The following CA8 variants were observed in gnomAD, a reference collection of about 807,000 sequenced individuals.
CA8 encodes the protein carbonic anhydrase 8 (inactive).
CA8 carries 22 observed loss-of-function variants against 41.4 expected under a neutral mutation model. The observed-to-expected ratio is 0.53, with a 90% CI of 0.38 to 0.76. The LOEUF (loss-of-function observed/expected upper bound fraction) is 0.76, where lower values mean the gene tolerates loss of function less well. Ranked by LOEUF, CA8 falls within the 30% of genes least tolerant of loss-of-function variation. The pLI, the probability that CA8 is intolerant of heterozygous loss-of-function variation, is 0.00. For synonymous variants in CA8, 121 were observed against 130.6 expected (o/e 0.93, Z 0.50); for missense variants, 270 against 352.8 (o/e 0.77, Z 1.88).
Position 60,226,857 on chromosome 8 carries a change from T to G in CA8, c.576+16A>C. 1 of 1,504,684 alleles carries G rather than the reference T, an allele frequency of 6.6e-7. No individual in the cohort carries two copies. 93.2% of individuals were successfully genotyped at this position (1,504,684 alleles called of 1,614,324 possible). Reference sequence around the variant, plus strand: ...ACACAACCAGTATTTCTATATTATTTTAAATAATGACTTACCTTATACTGA... The same window carrying G: ...ACACAACCAGTATTTCTATATTATTGTAAATAATGACTTACCTTATACTGA... On this transcript the variant is annotated intron_variant, in intron 5 of 8. Transcript: ENST00000317995.
intron 8 of CA8, among the ~76,000 whole-genome samples, chr8:60,205,152 G>A (rs1271394463): frequency 6.6e-6 from 1 of 152,114 alleles, no homozygotes; most frequent in East Asian, 1.9e-4. Flanking sequence ...CATTTTTCTG[G>A]CTTTGTTTCT....
chr8:60,208,616 T>C (rs1806723085), intron 8 of CA8, 134 bp downstream of exon 8: 2 of 751,746 alleles, frequency 2.7e-6, no homozygotes, highest in Non-Finnish European at 4.6e-6. Flanking sequence ...AGCTCAAGAA[T>C]GTGTCATAAA....
chr8:60,202,467 G>A (rs1158410897), intron 8 of CA8, among the ~76,000 whole-genome samples: 1 of 152,112 alleles, frequency 6.6e-6, no homozygotes, highest in Non-Finnish European at 1.5e-5. Flanking sequence ...GCACTCTATG[G>A]CACACTGCAA....
chr8:60,271,261 G>A (rs1804062408), intron 2 of CA8, among the ~76,000 whole-genome samples: 1 of 152,006 alleles, frequency 6.6e-6, no homozygotes, highest in Non-Finnish European at 1.5e-5. Flanking sequence ...CAGATTGCTT[G>A]AGCCCAGGAC....
intron 4 of CA8, among the ~76,000 whole-genome samples, chr8:60,227,361 G>A (rs891569406): frequency 6.6e-6 from 1 of 151,940 alleles, no homozygotes; most frequent in African/African-American, 2.4e-5. Context: ...TAATTAAATG[G>A]CCTTTTATTA....
At chr8:60,210,154 G>T (rs909390220) in intron 7 of CA8, among the ~76,000 whole-genome samples, 3 of 152,122 alleles carry the variant, frequency 2.0e-5, no homozygotes, top group African/African-American at 7.2e-5. Flanking sequence ...AAGTCTACCT[G>T]CTCTTTTCTC....
chr8:60,220,424 G>C (rs2130460263), intron 7 of CA8, among the ~76,000 whole-genome samples: 1 of 152,312 alleles, frequency 6.6e-6, no homozygotes, highest in Non-Finnish European at 1.5e-5. Flanking sequence ...ATTTAAGCCA[G>C]ATGGAAGCCA....
chr8:60,245,701 G>A (rs1228880837), intron 3 of CA8, among the ~76,000 whole-genome samples: 2 of 152,162 alleles, frequency 1.3e-5, no homozygotes, highest in African/African-American at 2.4e-5. Context: ...TTGTAACAAG[G>A]TAAAGTATCA....
At chr8:60,237,318 T>A (rs948673960) in intron 3 of CA8, among the ~76,000 whole-genome samples, 5 of 152,214 alleles carry the variant, frequency 3.3e-5, no homozygotes, top group Admixed American at 1.3e-4. Flanking sequence ...TATATTCTTA[T>A]CACGTTTTAC....
intron 3 of CA8, among the ~76,000 whole-genome samples, chr8:60,238,034 A>G (rs138986934): frequency 3.2e-3 from 483 of 152,312 alleles, no homozygotes; most frequent in African/African-American, 0.011. Flanking sequence ...AGCTTTTGCT[A>G]CAGGACTCAC....
At chr8:60,264,106 C>T (rs1193350721) in intron 3 of CA8, among the ~76,000 whole-genome samples, 2 of 152,318 alleles carry the variant, frequency 1.3e-5, no homozygotes, top group Non-Finnish European at 2.9e-5. Flanking sequence ...GCTTAATGGA[C>T]CGGAGCTGCT....
At chr8:60,217,700 A>G (rs904041085) in intron 7 of CA8, among the ~76,000 whole-genome samples, 1 of 152,182 alleles carries the variant, frequency 6.6e-6, no homozygotes, top group Non-Finnish European at 1.5e-5. Context: ...ATTCCCTATC[A>G]TGGTAGAAAG....
At chr8:60,243,850 C>T (rs545175415) in intron 3 of CA8, among the ~76,000 whole-genome samples, 2 of 152,108 alleles carry the variant, frequency 1.3e-5, no homozygotes, top group South Asian at 2.1e-4. Context: ...CACAGGGTTC[C>T]GCCCTAACAC....
intron 7 of CA8, among the ~76,000 whole-genome samples, chr8:60,215,646 G>C (rs577206748): frequency 7.2e-5 from 11 of 152,084 alleles, no homozygotes; most frequent in Non-Finnish European, 1.3e-4. Context: ...CCGTTCAATT[G>C]TGTTTTTTCT....
At position 60,187,022 on chromosome 8, in the gene CA8, C is replaced by T. The variant is rs1805984407; in HGVS notation, c.*2999G>A. The stretch of plus-strand genomic sequence containing the variant: ...ATCTATAGAACACAGCATCCAACAA[C>T]AGTACAATACATACTCTTAAGTACA... On this transcript the variant is annotated 3_prime_UTR_variant, in exon 9 of 9. Coordinates refer to ENST00000317995, the MANE Select transcript of CA8 (RefSeq NM_004056.6). 6.6e-6 allele frequency among the ~76,000 whole-genome samples: 1 copy of T among 152,006 alleles called. No individual in the cohort carries two copies. Among genetic ancestry groups the T allele is most frequent in the African/African-American group, 2.4e-5 (1 of 41,430 alleles).
intron 5 of CA8, among the ~76,000 whole-genome samples, chr8:60,225,210 C>G (rs919697906): frequency 6.6e-6 from 1 of 152,128 alleles, no homozygotes; most frequent in Non-Finnish European, 1.5e-5. Context: ...TTAAGATCAT[C>G]ATTTTAAATC....
intron 2 of CA8, among the ~76,000 whole-genome samples, chr8:60,274,326 A>C (rs1804160770): frequency 6.6e-6 from 1 of 152,232 alleles, no homozygotes; most frequent in Non-Finnish European, 1.5e-5. Flanking sequence ...AACAAGAGCA[A>C]AAGAGAAATG....
intron 3 of CA8, among the ~76,000 whole-genome samples, chr8:60,236,176 C>T (rs563166017): frequency 1.3e-5 from 2 of 152,276 alleles, no homozygotes; most frequent in East Asian, 1.9e-4. Flanking sequence ...ATGAGTAGGC[C>T]TCATACAATC....
chr8:60,223,331 C>A (rs1274992723), intron 6 of CA8, among the ~76,000 whole-genome samples: 2 of 152,042 alleles, frequency 1.3e-5, no homozygotes, highest in African/African-American at 4.8e-5. Flanking sequence ...GCTCTATCAC[C>A]CAGGCTGCTG....
Sources: gnomAD v4.1 joint callset for allele counts (sites outside exome capture counted in the v4.1 genomes callset) on GRCh38, gnomAD v4.1.1 for gene constraint, MANE v1.5 for transcripts, NCBI Gene and HGNC (gene_info 2026-07-23, HGNC 2026-07-21) for gene names.